The following CNTNAP4 variants were observed in gnomAD, a reference collection of about 807,000 sequenced individuals.
CNTNAP4 encodes the protein contactin-associated protein-like 4.
In CNTNAP4, 98 loss-of-function variants were observed where a neutral mutation model predicts 148.4. The observed-to-expected ratio is 0.66, with a 90% CI of 0.56 to 0.78. The LOEUF (loss-of-function observed/expected upper bound fraction) is 0.78, where lower values mean the gene tolerates loss of function less well. Among genes scored for constraint, CNTNAP4 ranks in the 30% least tolerant of loss-of-function variants. CNTNAP4 has a pLI of 0.00. For synonymous variants in CNTNAP4, 730 were observed against 565.1 expected, an observed-to-expected ratio of 1.29 and a Z score of -4.14; for missense variants, 1,935 against 1,565.6, an observed-to-expected ratio of 1.24 and a Z score of -3.98.
At chr16:76,402,734 T>A (rs1442351361) in intron 3 of CNTNAP4, among the ~76,000 whole-genome samples, 1 of 152,204 alleles carries the variant, frequency 6.6e-6, no homozygotes, top group East Asian at 1.9e-4. Flanking sequence ...GAGATTCTGG[T>A]AGGTCGTATC....
intron 3 of CNTNAP4, among the ~76,000 whole-genome samples, chr16:76,393,439 A>G (rs2078094686): frequency 6.6e-6 from 1 of 152,102 alleles, no homozygotes; most frequent in African/African-American, 2.4e-5. Context: ...GAATTTATAT[A>G]TTCATTCAGT....
At chr16:76,347,165 G>GTGTGTT (rs1567796241) in intron 2 of CNTNAP4, among the ~76,000 whole-genome samples, 1 of 149,814 alleles carries the variant, frequency 6.7e-6, no homozygotes, top group Non-Finnish European at 1.5e-5. Context: ...GTGTGTGTGT[G>GTGTGTT]TATCTCAGTT....
chr16:76,515,794 T>G (rs778811505), intron 15 of CNTNAP4, among the ~76,000 whole-genome samples: 1 of 151,892 alleles, frequency 6.6e-6, no homozygotes, highest in Non-Finnish European at 1.5e-5. Flanking sequence ...TCAAAAGGAC[T>G]AAGATTTAAA....
At chr16:76,327,330 C>A (rs962159992) in intron 2 of CNTNAP4, among the ~76,000 whole-genome samples, 1 of 152,144 alleles carries the variant, frequency 6.6e-6, no homozygotes, top group African/African-American at 2.4e-5. Context: ...TGTATAAATT[C>A]TTTTAGGATA....
chr16:76,361,829 T>C (rs2013475972), intron 3 of CNTNAP4, among the ~76,000 whole-genome samples: 1 of 152,190 alleles, frequency 6.6e-6, no homozygotes, highest in Non-Finnish European at 1.5e-5. Flanking sequence ...TCACTGCTTG[T>C]TATCTTTTGT....
chr16:76,536,911 G>A (rs1177239264), intron 18 of CNTNAP4, among the ~76,000 whole-genome samples: 2 of 152,124 alleles, frequency 1.3e-5, no homozygotes, highest in African/African-American at 4.8e-5. Flanking sequence ...TTTTCCTGAA[G>A]GAGGCTAACA....
intron 4 of CNTNAP4, among the ~76,000 whole-genome samples, chr16:76,440,272 C>G (rs2079983470): frequency 6.6e-6 from 1 of 152,066 alleles, no homozygotes; most frequent in South Asian, 2.1e-4. Context: ...TTCAATCACT[C>G]TTTCATGACC....
chr16:76,378,976 T>C (rs1374922646), intron 3 of CNTNAP4, among the ~76,000 whole-genome samples: 1 of 152,220 alleles, frequency 6.6e-6, no homozygotes, highest in Non-Finnish European at 1.5e-5. Flanking sequence ...TTTGTGACTT[T>C]GACTCAAAGT....
chr16:76,326,146 A>G (rs1277919157), intron 2 of CNTNAP4, among the ~76,000 whole-genome samples: 1 of 152,226 alleles, frequency 6.6e-6, no homozygotes, highest in African/African-American at 2.4e-5. Context: ...TAACCTTGAT[A>G]CCAAACAGTG....
rs17362336 is a variant in CNTNAP4 at position 76,330,648 on chromosome 16, T to C, written c.196+14125T>C. On this transcript the variant is annotated intron_variant, in intron 2 of 23. Transcript: ENST00000611870. ...AATTGGCTACCATTCACTAACAGTA[T>C]AGTTTCTCTTAGCTAGCCCGTCTTT... Among the ~76,000 whole-genome samples, 1,187 of 152,334 alleles carry C rather than the reference T, an allele frequency of 7.8e-3. 10 individuals are homozygous for C. The highest frequency in any genetic ancestry group is 0.028 in the African/African-American group (1,149 of 41,578).
intron 12 of CNTNAP4, among the ~76,000 whole-genome samples, chr16:76,483,231 AACACACAC>A (rs59206208): frequency 0.17 from 23,295 of 140,004 alleles, 2,805 homozygotes; most frequent in African/African-American, 0.34. Flanking sequence ...AGTTTTAAGA[AACACACAC>A]ACACACACAC....
At chr16:76,449,620 G>A (rs959970878) in intron 6 of CNTNAP4, 95 bp from the exon 7 acceptor site, 1 of 1,044,310 alleles carries the variant, frequency 9.6e-7, no homozygotes. Context: ...AAATTGATCT[G>A]TGTGTGATGA....
chr16:76,451,599 A>ATATGTGTGTGTG (rs373330383), intron 7 of CNTNAP4, among the ~76,000 whole-genome samples: 2 of 141,258 alleles, frequency 1.4e-5, no homozygotes, highest in East Asian at 2.1e-4. Flanking sequence ...TTTTAGATAG[A>ATATGTGTGTGTG]TGTGTGTGTG....
chr16:76,479,571 T>A, intron 12 of CNTNAP4, 33 bp downstream of exon 12: 1 of 1,589,710 alleles, frequency 6.3e-7, no homozygotes, highest in Non-Finnish European at 8.5e-7. Flanking sequence ...TACAGTTAAA[T>A]TTGCATGCAT....
At chr16:76,370,817 C>T (rs971358735) in intron 3 of CNTNAP4, among the ~76,000 whole-genome samples, 1 of 152,110 alleles carries the variant, frequency 6.6e-6, no homozygotes, top group Non-Finnish European at 1.5e-5. Context: ...TCCCTTTCAA[C>T]CCATAAAGAA....
At chr16:76,368,237 A>G (rs1190920085) in intron 3 of CNTNAP4, among the ~76,000 whole-genome samples, 1 of 152,210 alleles carries the variant, frequency 6.6e-6, no homozygotes, top group African/African-American at 2.4e-5. Flanking sequence ...TACAGCTTAG[A>G]GATTAACTCT....
intron 23 of CNTNAP4, 73 bp from the exon 24 acceptor site, chr16:76,558,417 T>C: frequency 1.2e-6 from 1 of 818,886 alleles, no homozygotes. Flanking sequence ...TATGATGACT[T>C]ATTAAGCAAT....
chr16:76,553,422 A>G lies in CNTNAP4; in HGVS notation c.3582A>G (p.Thr1194=), dbSNP rs774584091. The change falls in exon 22 of 24, where the codon ACA becomes ACG. Residue 1194 remains threonine, a synonymous_variant. Transcript: ENST00000611870. The part of the protein sequence containing the change: ...HPSHPDPVTV[T]GHVTESSCMA... ...GCCACCCAGACCCTGTCACTGTTAC[A>G]GGACACGTGACTGAGTCCAGCTGTA... 2 of 1,612,472 alleles carry G rather than the reference A, an allele frequency of 1.2e-6. No homozygotes were observed. Among genetic ancestry groups the G allele is most frequent in the South Asian group, 1.1e-5 (1 of 90,662 alleles).
At chr16:76,525,414 A>C (rs923391993) in intron 17 of CNTNAP4, among the ~76,000 whole-genome samples, 1 of 150,486 alleles carries the variant, frequency 6.6e-6, no homozygotes, top group Non-Finnish European at 1.5e-5. Flanking sequence ...AAATCTGTCT[A>C]TCCATCTATC....
Sources: allele counts gnomAD v4.1 joint callset (sites outside exome capture counted in the v4.1 genomes callset), GRCh38; gene constraint gnomAD v4.1.1; transcripts MANE v1.5; gene names NCBI Gene and HGNC (gene_info 2026-07-23, HGNC 2026-07-21).